TDRD5: variants seen among roughly 807,000 people sequenced by gnomAD.
TDRD5 encodes the protein tudor domain containing 5, also known as tudor domain-containing protein 5.
In TDRD5, 41 loss-of-function variants were observed where a neutral mutation model predicts 120.6. The ratio of observed to expected loss-of-function variants is 0.34; its 90% CI spans 0.26 to 0.44. The LOEUF is 0.44. Among genes scored for constraint, TDRD5 ranks in the 20% least tolerant of loss-of-function variants. The pLI, the probability that TDRD5 is intolerant of heterozygous loss-of-function variation, is 1.00. For synonymous variants in TDRD5, 430 were observed against 433.7 expected, an observed-to-expected ratio of 0.99 and a Z score of 0.11; for missense variants, 1,006 against 1,221.2, an observed-to-expected ratio of 0.82 and a Z score of 2.63.
intron 11 of TDRD5, among the ~76,000 whole-genome samples, chr1:179,649,279 A>G (rs1288175550): frequency 6.6e-6 from 1 of 151,544 alleles, no homozygotes; most frequent in Admixed American, 6.6e-5. Flanking sequence ...ATTCCCAACC[A>G]TTATCTCTTC....
At chr1:179,603,379 G>A (rs1675817567) in intron 4 of TDRD5, among the ~76,000 whole-genome samples, 2 of 152,006 alleles carry the variant, frequency 1.3e-5, no homozygotes, top group Non-Finnish European at 2.9e-5. Context: ...TATTTTTCTT[G>A]TCTGATTGCT....
At chr1:179,650,776 C>T in intron 11 of TDRD5, 91 bp from the exon 12 acceptor site, 1 of 1,300,956 alleles carries the variant, frequency 7.7e-7, no homozygotes, top group South Asian at 1.3e-5. Flanking sequence ...CCACTTAAAT[C>T]TCTAGTTCAT....
At chr1:179,639,760 T>C in intron 9 of TDRD5, 79 bp from the exon 10 acceptor site, 1 of 1,481,228 alleles carries the variant, frequency 6.8e-7, no homozygotes. Flanking sequence ...GCCAAGACTT[T>C]CTGGCTTGAT....
chr1:179,677,847 G>A (rs1680216430), intron 17 of TDRD5, among the ~76,000 whole-genome samples: 1 of 152,042 alleles, frequency 6.6e-6, no homozygotes, highest in South Asian at 2.1e-4. Context: ...GCCAGGAGGT[G>A]GTGCTTTCAA....
rs756660429 is a variant in TDRD5, at chr1:179,595,685, C to T, written c.698C>T (p.Pro233Leu). 2.5e-5 allele frequency: 41 copies of T among 1,613,248 alleles called. No homozygotes were observed. Among genetic ancestry groups the T allele is most frequent in the Admixed American group, 1.0e-4 (6 of 59,930 alleles). ...CAAGGGTCATACTCCACAGGCTTTC[C>T]GGTAGCAAAGCCATGCTTTTCACAA... The part of the protein sequence containing the change: ...MKQGSYSTGF[P>L]VAKPCFSQPT... Residue 233 changes from proline (P) to leucine (L), a missense_variant, in exon 4 of 18, where the codon CCG becomes CTG. By Grantham distance (98) the Pro-to-Leu change is moderately conservative. This residue lies in a region of TDRD5 where 445 missense variants were observed against 515.5 expected (regional missense o/e 0.86). Coordinates refer to ENST00000444136, the MANE Select transcript of TDRD5 (RefSeq NM_001199085.3).
At chr1:179,634,729 T>C in intron 8 of TDRD5, 100 bp downstream of exon 8, 2 of 1,299,568 alleles carry the variant, frequency 1.5e-6, no homozygotes, top group Non-Finnish European at 2.1e-6. Context: ...AAAAGTCTTA[T>C]TTCTGGATAT....
chr1:179,690,302 A>G (rs143334715), intron 17 of TDRD5, among the ~76,000 whole-genome samples: 11 of 152,314 alleles, frequency 7.2e-5, no homozygotes, highest in African/African-American at 2.2e-4. Flanking sequence ...AATTGGAACA[A>G]CTGTGGCAAT....
At chr1:179,648,668 A>C (rs1358347326) in intron 11 of TDRD5, among the ~76,000 whole-genome samples, 1 of 152,028 alleles carries the variant, frequency 6.6e-6, no homozygotes, top group Admixed American at 6.6e-5. Context: ...AGAAATCAAA[A>C]TCTTCTGGAG....
In TDRD5 at chr1:179,634,647, A is replaced by T. The variant is rs1264018126; in HGVS notation, c.1299+18A>T. 1.3e-6 allele frequency: 2 copies of T among 1,592,036 alleles called. No homozygotes were observed. The highest frequency in any genetic ancestry group is 1.9e-5 in the Admixed American group (1 of 53,222). On this transcript the variant is annotated intron_variant, in intron 8 of 17. Coordinates refer to ENST00000444136, the MANE Select transcript of TDRD5 (RefSeq NM_001199085.3). The stretch of plus-strand genomic sequence containing the variant: ...TACAGCTGGTGAGTGAGGTTTAAAG[A>T]CTGTGCACTGGAGATTCAGCATTAT...
intron 4 of TDRD5, among the ~76,000 whole-genome samples, chr1:179,600,979 A>G (rs963816627): frequency 6.6e-6 from 1 of 152,134 alleles, no homozygotes; most frequent in African/African-American, 2.4e-5. Flanking sequence ...AACAACATAG[A>G]TTTCATTCCT....
chr1:179,615,569 T>TC, intron 4 of TDRD5, among the ~76,000 whole-genome samples: 1 of 152,146 alleles, frequency 6.6e-6, no homozygotes, highest in Admixed American at 6.6e-5. Flanking sequence ...CTTGGTTTAT[T>TC]CCCCATTCTT....
intron 17 of TDRD5, among the ~76,000 whole-genome samples, chr1:179,683,963 T>C (rs1318096453): frequency 6.6e-6 from 1 of 152,216 alleles, no homozygotes; most frequent in Non-Finnish European, 1.5e-5. Flanking sequence ...TCCTTGGCTA[T>C]TAGGAAATTT....
chr1:179,591,710 GCGGACCTCACACCTGA>G (rs1412718736), upstream of TDRD5: 2 of 152,344 alleles, frequency 1.3e-5, no homozygotes, highest in Non-Finnish European at 2.9e-5. Flanking sequence ...TGAGACTGGG[GCGGACCTCACACCTGA>G]CCCCGGAGCG....
intron 3 of TDRD5, among the ~76,000 whole-genome samples, chr1:179,594,106 T>G (rs1675261968): frequency 6.6e-6 from 1 of 152,236 alleles, no homozygotes; most frequent in African/African-American, 2.4e-5. Flanking sequence ...GTAAAATCTC[T>G]GGCATTTAGT....
chr1:179,630,670 C>T, intron 6 of TDRD5, 97 bp from the exon 7 acceptor site: 6 of 1,274,642 alleles, frequency 4.7e-6, no homozygotes, highest in Non-Finnish European at 6.5e-6. Flanking sequence ...AGTTCATTGA[C>T]CCTTTAAGAT....
In TDRD5 at chr1:179,602,269, C is replaced by T. The variant is rs141426663; in HGVS notation, c.831+6451C>T. Among the ~76,000 whole-genome samples, 574 of 152,300 alleles carry T rather than the reference C, an allele frequency of 3.8e-3. 6 individuals are homozygous for T. The highest frequency in any genetic ancestry group is 0.012 in the African/African-American group (517 of 41,566). On this transcript the variant is annotated intron_variant, in intron 4 of 17. Transcript: ENST00000444136. ...CATTCTTGCAGGAGTAAGGTAGTAT[C>T]TCATTGTGGTTTTGATTTGCATTTC...
At chr1:179,635,954 G>T in intron 9 of TDRD5, 67 bp downstream of exon 9, 1 of 1,458,010 alleles carries the variant, frequency 6.9e-7, no homozygotes, top group Non-Finnish European at 9.2e-7. Flanking sequence ...CAAACATTTC[G>T]GTTTCAGGAC....
At chr1:179,624,522 A>C (rs957637238) in intron 6 of TDRD5, among the ~76,000 whole-genome samples, 1 of 152,196 alleles carries the variant, frequency 6.6e-6, no homozygotes, top group African/African-American at 2.4e-5. Context: ...AGAATATACT[A>C]AGGAATCCAT....
chr1:179,629,815 A>C (rs902420076), intron 6 of TDRD5, among the ~76,000 whole-genome samples: 1 of 152,162 alleles, frequency 6.6e-6, no homozygotes, highest in African/African-American at 2.4e-5. Context: ...GGTCCTTTTA[A>C]GACATATGAA....
Sources: allele counts gnomAD v4.1 joint callset (sites outside exome capture counted in the v4.1 genomes callset), GRCh38; gene constraint gnomAD v4.1.1; regional missense constraint gnomAD v4.1.1; transcripts MANE v1.5; gene names NCBI Gene and HGNC (gene_info 2026-07-23, HGNC 2026-07-21).